The following SCFD2 variants were observed in gnomAD, a reference collection of about 807,000 sequenced individuals.
SCFD2 encodes the protein sec1 family domain containing 2, also known as sec1 family domain-containing protein 2.
In SCFD2, 54 loss-of-function variants were observed where a neutral mutation model predicts 58.9. The ratio of observed to expected loss-of-function variants is 0.92; its 90% CI spans 0.74 to 1.15. The LOEUF is 1.15. SCFD2 is among the 50% of genes most tolerant of loss of function. The probability of loss-of-function intolerance (pLI) is 0.00; values close to 1 mark genes in which losing one functional copy is unlikely to be tolerated. For missense variants in SCFD2, 805 were observed against 836.6 expected (o/e 0.96, Z 0.47); for synonymous variants, 321 against 335.9 (o/e 0.96, Z 0.49).
intron 5 of SCFD2, among the ~76,000 whole-genome samples, chr4:53,044,636 C>CT (rs67332868): frequency 6.2e-3 from 3 of 486 alleles, no homozygotes; most frequent in Non-Finnish European, 0.026. Flanking sequence ...TCCCTCCCTC[C>CT]TTTTTTCCTT....
At position 52,996,099 on chromosome 4, in the gene SCFD2, C is replaced by T. The variant is rs182313438; in HGVS notation, c.1562-75229G>A. Among the ~76,000 whole-genome samples, 358 of 152,316 alleles carry T rather than the reference C, an allele frequency of 2.4e-3. 2 individuals are homozygous for T. Among genetic ancestry groups the T allele is most frequent in the Middle Eastern group, 6.8e-3 (2 of 294 alleles). ...AATCTCTAGTTCAAAGAGAATAAAG[C>T]CTAAACAAAAAGTCACCTCGATTAT... On this transcript the variant is annotated intron_variant, in intron 5 of 8. Transcript: ENST00000401642.
intron 4 of SCFD2, among the ~76,000 whole-genome samples, chr4:53,227,280 G>T (rs1165091247): frequency 1.3e-5 from 2 of 152,186 alleles, no homozygotes; most frequent in African/African-American, 2.4e-5. Flanking sequence ...GTATATGAGA[G>T]ATGTGAAAAT....
intron 5 of SCFD2, among the ~76,000 whole-genome samples, chr4:53,124,481 A>G (rs1348328636): frequency 2.6e-5 from 4 of 152,152 alleles, no homozygotes; most frequent in Admixed American, 2.6e-4. Flanking sequence ...AAAATAGGAG[A>G]CTCAATTCTA....
At chr4:53,170,268 G>C (rs73143483) in intron 4 of SCFD2, among the ~76,000 whole-genome samples, 1 of 152,072 alleles carries the variant, frequency 6.6e-6, no homozygotes, top group South Asian at 2.1e-4. Flanking sequence ...AGTTTTCCCA[G>C]CACCTTTAAT....
intron 4 of SCFD2, among the ~76,000 whole-genome samples, chr4:53,268,470 G>A (rs1731058489): frequency 6.6e-6 from 1 of 152,148 alleles, no homozygotes; most frequent in Non-Finnish European, 1.5e-5. Context: ...TATCCAGGTG[G>A]AGGTTGAGTG....
chr4:53,011,418 A>G (rs1722090980), intron 5 of SCFD2, among the ~76,000 whole-genome samples: 1 of 152,202 alleles, frequency 6.6e-6, no homozygotes, highest in Non-Finnish European at 1.5e-5. Flanking sequence ...TAGTGAGAAG[A>G]AGGACTTGAT....
chr4:53,149,678 A>G (rs1458280842), intron 4 of SCFD2, among the ~76,000 whole-genome samples: 1 of 152,210 alleles, frequency 6.6e-6, no homozygotes, highest in Non-Finnish European at 1.5e-5. Flanking sequence ...ATAACCAGTG[A>G]TAAAACATAT....
chr4:53,296,185 T>A (rs1248978649), intron 3 of SCFD2, among the ~76,000 whole-genome samples: 1 of 152,218 alleles, frequency 6.6e-6, no homozygotes, highest in Admixed American at 6.5e-5. Context: ...TCTTTTTTTA[T>A]TGATTGGAAT....
At chr4:53,209,626 A>G (rs1728542966) in intron 4 of SCFD2, among the ~76,000 whole-genome samples, 1 of 152,134 alleles carries the variant, frequency 6.6e-6, no homozygotes, top group African/African-American at 2.4e-5. Flanking sequence ...GGGAATACCA[A>G]CTATTGCTAG....
In SCFD2 at chr4:53,210,962, G is replaced by A. The variant is rs183363376; in HGVS notation, c.1311+62864C>T. On this transcript the variant is annotated intron_variant, in intron 4 of 8. Transcript: ENST00000401642. ...AGAAGCCTCCATAAAAACCCAAGAC[G>A]GGCCAGGCATGGTGGCTTACTCCTG... 2.3e-4 allele frequency among the ~76,000 whole-genome samples: 35 copies of A among 152,028 alleles called. No homozygotes were observed. In the East Asian group the frequency reaches 3.5e-3, roughly 15 times the overall value.
chr4:53,250,842 A>C (rs1168428915), intron 4 of SCFD2, among the ~76,000 whole-genome samples: 1 of 152,248 alleles, frequency 6.6e-6, no homozygotes, highest in Non-Finnish European at 1.5e-5. Flanking sequence ...GAACTAGAGA[A>C]GTAAGAGCAA....
intron 5 of SCFD2, among the ~76,000 whole-genome samples, chr4:52,933,081 G>GA (rs1720038567): frequency 6.6e-6 from 1 of 152,106 alleles, no homozygotes; most frequent in Admixed American, 6.5e-5. Context: ...AACAAATGCA[G>GA]AAAAATCAGG....
At chr4:53,232,829 C>T (rs185543906) in intron 4 of SCFD2, among the ~76,000 whole-genome samples, 2 of 152,308 alleles carry the variant, frequency 1.3e-5, no homozygotes, top group Admixed American at 1.3e-4. Flanking sequence ...CAGCACTCTT[C>T]TACATCTTCC....
chr4:53,326,224 C>T (rs543394311), intron 2 of SCFD2, among the ~76,000 whole-genome samples: 2 of 152,122 alleles, frequency 1.3e-5, no homozygotes, highest in Non-Finnish European at 2.9e-5. Context: ...TTCACTGCAG[C>T]CTCCACCTCC....
chr4:53,134,462 T>C (rs1218343831), intron 5 of SCFD2, among the ~76,000 whole-genome samples: 2 of 151,922 alleles, frequency 1.3e-5, no homozygotes, highest in Non-Finnish European at 2.9e-5. Flanking sequence ...GTGAGAAAAA[T>C]AGAGAAGAAA....
At chr4:52,954,319 A>G (rs567555850) in intron 5 of SCFD2, among the ~76,000 whole-genome samples, 8 of 152,140 alleles carry the variant, frequency 5.3e-5, no homozygotes, top group African/African-American at 9.7e-5. Flanking sequence ...TCTTCTATCA[A>G]GTATGTCTTT....
At chr4:52,893,363 CCT>C (rs1486885762) in intron 7 of SCFD2, among the ~76,000 whole-genome samples, 1 of 152,080 alleles carries the variant, frequency 6.6e-6, no homozygotes, top group Non-Finnish European at 1.5e-5. Flanking sequence ...ACTACTGCAC[CCT>C]GTCTTGTTTT....
chr4:53,249,393 T>C (rs1039374752), intron 4 of SCFD2, among the ~76,000 whole-genome samples: 3 of 152,164 alleles, frequency 2.0e-5, no homozygotes, highest in African/African-American at 7.2e-5. Context: ...CAGGATATTA[T>C]CCAGGAGAAC....
intron 5 of SCFD2, among the ~76,000 whole-genome samples, chr4:53,078,761 T>C (rs1724055813): frequency 6.6e-6 from 1 of 152,086 alleles, no homozygotes; most frequent in African/African-American, 2.4e-5. Context: ...GATTCCAATA[T>C]CCATGGTCTT....
Sources: gnomAD v4.1 joint callset for allele counts (sites outside exome capture counted in the v4.1 genomes callset) on GRCh38, gnomAD v4.1.1 for gene constraint, MANE v1.5 for transcripts, NCBI Gene and HGNC (gene_info 2026-07-23, HGNC 2026-07-21) for gene names.